RNF213: variants seen among roughly 807,000 people sequenced by gnomAD.
The protein encoded by RNF213 is ring finger protein 213, also known as E3 ubiquitin-protein ligase RNF213.
RNF213 carries 341 observed loss-of-function variants against 514.4 expected under a neutral mutation model. That is an observed-to-expected ratio of 0.66 (90% CI 0.61 to 0.73). The LOEUF is 0.73. Ranked by LOEUF, RNF213 falls within the 30% of genes least tolerant of loss-of-function variation. RNF213 has a pLI of 0.00. For synonymous variants in RNF213, 2,655 were observed against 2,658.2 expected (o/e 1.00, Z 0.04); for missense variants, 5,767 against 6,615.6 (o/e 0.87, Z 4.45).
In RNF213 at chr17:80,343,891, T is replaced by G; in HGVS notation, c.6218T>G (p.Leu2073Arg). 1 of 1,614,198 alleles carries G rather than the reference T, an allele frequency of 6.2e-7. No individual in the cohort carries two copies. Among genetic ancestry groups the G allele is most frequent in the Non-Finnish European group, 8.5e-7 (1 of 1,180,038 alleles). Residue 2073 changes from leucine (L) to arginine (R), a missense_variant, in exon 28 of 68, where the codon CTC becomes CGC. By Grantham distance (102) the Leu-to-Arg change is moderately radical. Transcript: ENST00000582970. This position sits in a 1 kb window ranked among gnomAD's most constrained non-coding sequence, Gnocchi z 4.3. The stretch of plus-strand genomic sequence containing the variant: ...GGAATTTGGGTGTTTCTTTTCAAGC[T>G]CCTCATTTTACAATACTTAATGGAT... Reference protein sequence around the residue: ...QTGIWVFLFKLLILQYLMDIN... With the variant: ...QTGIWVFLFKRLILQYLMDIN...
At chr17:80,360,402 C>A (rs761283759) in intron 38 of RNF213, 196 bp downstream of exon 38, 17 of 650,488 alleles carry the variant, frequency 2.6e-5, no homozygotes, top group Non-Finnish European at 3.8e-5. Context: ...AGTGAGAGGC[C>A]CCGGCGGGAC....
At position 80,307,023 on chromosome 17, in the gene RNF213, A is replaced by G; in HGVS notation, c.2428-105A>G. On this transcript the variant is annotated intron_variant, in intron 12 of 67. Transcript: ENST00000582970. ...AAAATTTGTTTGTAGGAAGAAAACA[A>G]TGTATACCATATTGATGTTGGATTT... is the stretch of plus-strand genomic sequence containing the variant. The G allele has an allele frequency of 3.7e-6, 4 of 1,080,450 alleles. No individual in the cohort carries two copies. The East Asian group carries it at 7.1e-5, about 19-fold the overall frequency. The allele number at this position is 1,080,450 out of a possible 1,614,324, so 66.9% of individuals were successfully genotyped here.
At chr17:80,289,056 G>A (rs1005171083) in intron 5 of RNF213, among the ~76,000 whole-genome samples, 3 of 152,308 alleles carry the variant, frequency 2.0e-5, no homozygotes, top group Non-Finnish European at 2.9e-5. Context: ...GATGGTCCCC[G>A]GAGGTGTCTG....
chr17:80,343,057 C>A lies in RNF213; in HGVS notation c.5990-75C>A. ...TCCTGACCTCAAGTGATCCCCCCGC[C>A]TCGGCCTCCCAAAGTGCTAGGATTA... On this transcript the variant is annotated intron_variant, in intron 26 of 67. Transcript: ENST00000582970. The surrounding 1 kb of genome is among the most constrained non-coding windows in gnomAD (Gnocchi z 4.3). 1 of 1,243,034 alleles carries A rather than the reference C, an allele frequency of 8.0e-7. No homozygotes were observed. The highest frequency in any genetic ancestry group is 1.2e-6 in the Non-Finnish European group (1 of 848,074). 77.0% of individuals were successfully genotyped at this position (1,243,034 alleles called of 1,614,324 possible).
At chr17:80,331,910 C>G in intron 20 of RNF213, 96 bp from the exon 21 acceptor site, 1 of 1,405,118 alleles carries the variant, frequency 7.1e-7, no homozygotes, top group Admixed American at 2.4e-5. Context: ...CTTGAGTTCG[C>G]TCAGAGAAGT....
rs1166963047 is a variant in RNF213 at position 80,376,438 on chromosome 17, A to G, written c.13323A>G (p.Gly4441=). The stretch of plus-strand genomic sequence containing the variant: ...GGCCTAGTGACAGCAACCTTGATGG[A>G]ACGGTGACAGAAATGGCCATTCATG... ...RAGPSDSNLD[G]TVTEMAIHAA... is the part of the protein sequence containing the mutation. The change falls in exon 52 of 68, where the codon GGA becomes GGG. Residue 4441 remains glycine, a synonymous_variant. Coordinates refer to ENST00000582970, the MANE Select transcript of RNF213 (RefSeq NM_001256071.3). 1 of 1,614,198 alleles carries G rather than the reference A, an allele frequency of 6.2e-7. No homozygotes were observed. Among genetic ancestry groups the G allele is most frequent in the Non-Finnish European group, 8.5e-7 (1 of 1,180,044 alleles).
rs761315373 is a variant in RNF213, at chr17:80,347,092, C to T, written c.8757C>T (p.Ser2919=). 10 of 1,614,128 alleles carry T rather than the reference C, an allele frequency of 6.2e-6. No individual in the cohort carries two copies. Among genetic ancestry groups the T allele is most frequent in the Non-Finnish European group, 8.5e-6 (10 of 1,180,022 alleles). ...ELIESAKGIC[S]SDILVQDRVQ... is the part of the protein sequence containing the mutation. ...TAGAGAGCGCCAAGGGCATCTGCTCCTCAGACATCCTCGTCCAGGACCGAG... is the reference window on the plus strand; with the variant it reads ...TAGAGAGCGCCAAGGGCATCTGCTCTTCAGACATCCTCGTCCAGGACCGAG... The change falls in exon 29 of 68, where the codon TCC becomes TCT. Residue 2919 remains serine (S), a synonymous_variant. Transcript: ENST00000582970. This position sits in a 1 kb window ranked among gnomAD's most constrained non-coding sequence, Gnocchi z 7.2.
rs752840207 is a variant in RNF213 at position 80,291,617 on chromosome 17, T to C, written c.1272-11T>C. On this transcript the variant is annotated splice_polypyrimidine_tract_variant and intron_variant, in intron 7 of 67. Coordinates refer to ENST00000582970, the MANE Select transcript of RNF213 (RefSeq NM_001256071.3). Reference sequence around the variant, plus strand: ...ATTTTGGATAGCCAACCGTATCCTGTTCATTCACAGAGACTTGGGTCATGA... The same window carrying C: ...ATTTTGGATAGCCAACCGTATCCTGCTCATTCACAGAGACTTGGGTCATGA... 2 of 1,614,082 alleles carry C rather than the reference T, an allele frequency of 1.2e-6. No individual in the cohort carries two copies. Among genetic ancestry groups the C allele is most frequent in the South Asian group, 2.2e-5 (2 of 91,082 alleles).
chr17:80,336,199 A>G lies in RNF213; in HGVS notation c.4348A>G (p.Ile1450Val). The G allele has an allele frequency of 1.3e-6, 2 of 1,537,180 alleles. No homozygotes were observed. Among genetic ancestry groups the G allele is most frequent in the South Asian group, 1.2e-5 (1 of 84,068 alleles). The part of the protein sequence containing the change: ...ELKVFVDLAS[I>V]SAGENDIDVD... ...GAAGGTGTTTGTGGACCTGGCCTCC[A>G]TCTCAGCGGGGGAGAATGACATTGA... Residue 1450 changes from isoleucine (I) to valine (V), a missense_variant, in exon 23 of 68, where the codon ATC becomes GTC. Physicochemically the swap from Ile to Val is conservative, Grantham distance 29 (BLOSUM62 3). This residue lies in a region of RNF213 where 15 missense variants were observed against 39.0 expected (regional missense o/e 0.38). Coordinates refer to ENST00000582970, the MANE Select transcript of RNF213 (RefSeq NM_001256071.3).
rs143472355 is a variant in RNF213 at position 80,347,125 on chromosome 17, G to A, written c.8790G>A (p.Gly2930=). The change falls in exon 29 of 68, where the codon GGG becomes GGA. Residue 2930 remains glycine, a synonymous_variant. Transcript: ENST00000582970. This position sits in a 1 kb window ranked among gnomAD's most constrained non-coding sequence, Gnocchi z 7.2. ...SDILVQDRVQ[G]YFASFAKAYE... ...TCCTCGTCCAGGACCGAGTCCAAGG[G>A]TACTTTGCGTCCTTTGCCAAAGCCT... 3,154 of 1,614,076 alleles carry A rather than the reference G, an allele frequency of 2.0e-3. 4 individuals carry two copies. The highest frequency in any genetic ancestry group is 2.3e-3 in the Non-Finnish European group (2,767 of 1,180,036).
rs532213416 is a variant in RNF213 at position 80,319,623 on chromosome 17, T to C, written c.3024+311T>C. The C allele has an allele frequency of 9.0e-5, 138 of 1,527,740 alleles. No individual in the cohort carries two copies. In the African/African-American group the frequency reaches 1.6e-3, roughly 17 times the overall value. The allele number at this position is 1,527,740 out of a possible 1,614,324, so 94.6% of individuals were successfully genotyped here. On this transcript the variant is annotated intron_variant, in intron 17 of 67. Transcript: ENST00000582970. Reference sequence around the variant, plus strand: ...GTTCCTCAGATGGCCCTGTCATCACTGTGGCTGCTGGTTTGATTGATTGTT... The same window carrying C: ...GTTCCTCAGATGGCCCTGTCATCACCGTGGCTGCTGGTTTGATTGATTGTT...
chr17:80,376,205 T>G, intron 51 of RNF213, 96 bp from the exon 52 acceptor site: 1 of 1,427,170 alleles, frequency 7.0e-7, no homozygotes. Flanking sequence ...CATATTTACC[T>G]TGATATTTGA....
At chr17:80,342,717 AGTATGTATATATATATTATATATATATT>A (rs1164755859) in intron 26 of RNF213, among the ~76,000 whole-genome samples, 2 of 144,656 alleles carry the variant, frequency 1.4e-5, no homozygotes, top group South Asian at 2.1e-4. Flanking sequence ...ATACATATAT[AGTATGTATATATATATTATATATATATT>A]GTATGTATAT....
intron 3 of RNF213, among the ~76,000 whole-genome samples, chr17:80,273,765 A>G (rs900513286): frequency 1.3e-5 from 2 of 151,868 alleles, no homozygotes; most frequent in African/African-American, 2.4e-5. Flanking sequence ...GACTACAGGC[A>G]TGCACCACCA....
At chr17:80,294,244 G>A (rs2044852989) in intron 8 of RNF213, among the ~76,000 whole-genome samples, 1 of 152,228 alleles carries the variant, frequency 6.6e-6, no homozygotes, top group South Asian at 2.1e-4. Flanking sequence ...ATCTGTGCCA[G>A]CTGGGCAGCC....
intron 11 of RNF213, among the ~76,000 whole-genome samples, chr17:80,302,710 A>T (rs1340597254): frequency 6.6e-6 from 1 of 152,146 alleles, no homozygotes; most frequent in East Asian, 1.9e-4. Context: ...AAACAAAAAA[A>T]ATAGTTAGGC....
intron 58 of RNF213, 66 bp from the exon 59 acceptor site, chr17:80,383,611 G>A: frequency 6.5e-7 from 1 of 1,547,956 alleles, no homozygotes; most frequent in East Asian, 2.2e-5. Flanking sequence ...GGAGTTACTG[G>A]GTGTTACAAT....
chr17:80,379,639 A>G lies in RNF213; in HGVS notation c.13565A>G (p.Gln4522Arg). ...SVGECGRPME[Q>R]SICIDCHAPI... The stretch of plus-strand genomic sequence containing the variant: ...CCCTAGTGTGGCAGGCCGATGGAAC[A>G]GAGCATCTGCATTGACTGCCATGCG... Residue 4522 changes from glutamine to arginine, a missense_variant, in exon 55 of 68, where the codon CAG becomes CGG. Physicochemically the swap from Gln to Arg is conservative, Grantham distance 43. This residue lies in a region of RNF213 where 1,245 missense variants were observed against 1,339.0 expected (regional missense o/e 0.93). Coordinates refer to ENST00000582970, the MANE Select transcript of RNF213 (RefSeq NM_001256071.3). 3 of 1,614,232 alleles carry G rather than the reference A, an allele frequency of 1.9e-6. No individual in the cohort carries two copies. Among genetic ancestry groups the G allele is most frequent in the East Asian group, 4.5e-5 (2 of 44,880 alleles).
chr17:80,387,801 C>T (rs187891743), intron 63 of RNF213, among the ~76,000 whole-genome samples: 1 of 152,330 alleles, frequency 6.6e-6, no homozygotes, highest in African/African-American at 2.4e-5. Context: ...TGAACTGCAT[C>T]CCGTGACCTC....
Sources: gnomAD v4.1 joint callset for allele counts (sites outside exome capture counted in the v4.1 genomes callset) on GRCh38, gnomAD v4.1.1 for gene constraint, gnomAD v4.1.1 regional missense constraint, Gnocchi (gnomAD v3.1) non-coding constraint, MANE v1.5 for transcripts, NCBI Gene and HGNC (gene_info 2026-07-23, HGNC 2026-07-21) for gene names.